The following NUAK2 variants were observed in gnomAD, a reference collection of about 807,000 sequenced individuals.
The protein encoded by NUAK2 is NUAK family kinase 2.
In NUAK2, 20 loss-of-function variants were observed where a neutral mutation model predicts 29.8. The observed-to-expected ratio is 0.67, with a 90% CI of 0.47 to 0.98. NUAK2 has a LOEUF of 0.98. Ranked by LOEUF, NUAK2 falls within the 50% of genes least tolerant of loss-of-function variation. The pLI is 0.00. For missense variants in NUAK2, 719 were observed against 834.5 expected, an observed-to-expected ratio of 0.86 and a Z score of 1.71; for synonymous variants, 331 against 342.6, an observed-to-expected ratio of 0.97 and a Z score of 0.37.
In NUAK2 at chr1:205,304,849, C is replaced by G. The variant is rs1267437871; in HGVS notation, c.824-336G>C. Among the ~76,000 whole-genome samples, 1 of 152,216 alleles carries G rather than the reference C, an allele frequency of 6.6e-6. No individual in the cohort carries two copies. The highest frequency in any genetic ancestry group is 1.5e-5 in the Non-Finnish European group (1 of 68,038). ...AGACTGTGTTCAGGGTAAACTGGGTCTCTCACACCCTTCTTCCTGCCTTCT... is the reference window on the plus strand; with the variant it reads ...AGACTGTGTTCAGGGTAAACTGGGTGTCTCACACCCTTCTTCCTGCCTTCT... On this transcript the variant is annotated intron_variant, in intron 6 of 6. Transcript: ENST00000367157. This position sits in a 1 kb window ranked among gnomAD's most constrained non-coding sequence, Gnocchi z 6.5.
chr1:205,304,616 C>T lies in NUAK2; in HGVS notation c.824-103G>A, dbSNP rs1186755335. The T allele has an allele frequency of 1.5e-5, 16 of 1,042,744 alleles. No individual in the cohort carries two copies. Among genetic ancestry groups the T allele is most frequent in the Admixed American group, 3.1e-5 (1 of 32,526 alleles). 64.6% of individuals were successfully genotyped at this position (1,042,744 alleles called of 1,614,324 possible). A position where few individuals can be genotyped will look rare whatever the true frequency, so the allele number is the denominator to read the frequency against. On this transcript the variant is annotated intron_variant, in intron 6 of 6. Coordinates refer to ENST00000367157, the MANE Select transcript of NUAK2 (RefSeq NM_030952.3). The surrounding 1 kb of genome is among the most constrained non-coding windows in gnomAD (Gnocchi z 6.5). ...CCCTTTTGAGCTATGACACTGCATACTCCTGGGTCGGATGCGTCCCTTCCA... is the reference window on the plus strand; with the variant it reads ...CCCTTTTGAGCTATGACACTGCATATTCCTGGGTCGGATGCGTCCCTTCCA...
At chr1:205,317,760 G>GAAGC (rs1213957474) in intron 1 of NUAK2, among the ~76,000 whole-genome samples, 1 of 152,234 alleles carries the variant, frequency 6.6e-6, no homozygotes, top group African/African-American at 2.4e-5. Context: ...CAAGCCCTTG[G>GAAGC]CAGCCAGCCA....
intron 2 of NUAK2, among the ~76,000 whole-genome samples, chr1:205,310,360 G>A (rs1362858703): frequency 6.6e-6 from 1 of 152,204 alleles, no homozygotes; most frequent in East Asian, 1.9e-4. Context: ...GAACAGCTAG[G>A]TTAGATGTCA....
At position 205,304,182 on chromosome 1, in the gene NUAK2, C is replaced by T. The variant is rs1558671310; in HGVS notation, c.1155G>A (p.Gln385=). 1 of 1,614,216 alleles carries T rather than the reference C, an allele frequency of 6.2e-7. No individual in the cohort carries two copies. The highest frequency in any genetic ancestry group is 8.5e-7 in the Non-Finnish European group (1 of 1,180,036). Residue 385 remains glutamine (Q), a synonymous_variant, in exon 7 of 7, where the codon CAG becomes CAA. Transcript: ENST00000367157. The surrounding 1 kb of genome is among the most constrained non-coding windows in gnomAD (Gnocchi z 6.5). ...CATCAGCCGTGTCACTGTGGAGAGA[C>T]TGGGCCATGTCATTCTCCTTGCGGG... is the stretch of plus-strand genomic sequence containing the variant. The part of the protein sequence containing the change: ...KKSRKENDMA[Q]SLHSDTADDT...
chr1:205,312,849 G>A (rs562085273), intron 1 of NUAK2, among the ~76,000 whole-genome samples: 6 of 152,250 alleles, frequency 3.9e-5, no homozygotes, highest in East Asian at 1.9e-4. Context: ...CATGTGGTAC[G>A]TCCATAGGAT....
intron 1 of NUAK2, among the ~76,000 whole-genome samples, chr1:205,317,290 C>A (rs1662341994): frequency 6.6e-6 from 1 of 152,194 alleles, no homozygotes; most frequent in Non-Finnish European, 1.5e-5. Flanking sequence ...AGAGAAGGTG[C>A]AAGCTGGGCA....
In NUAK2 at chr1:205,304,310, G is replaced by A; in HGVS notation, c.1027C>T (p.Leu343Phe). 2 of 1,610,790 alleles carry A rather than the reference G, an allele frequency of 1.2e-6. No individual in the cohort carries two copies. The highest frequency in any genetic ancestry group is 1.7e-6 in the Non-Finnish European group (2 of 1,177,804). ...CACACCTTGGCCCCATTCTCCAGGA[G>A]GGGGCGGGAGGAACGCCGGAGCCAG... is the stretch of plus-strand genomic sequence containing the variant. ...ADWLRRSSRP[L>F]LENGAKVCSF... The change falls in exon 7 of 7, where the codon CTC (leucine) becomes TTC (phenylalanine). Residue 343 changes from leucine (L) to phenylalanine (F), a missense_variant. Coordinates refer to ENST00000367157, the MANE Select transcript of NUAK2 (RefSeq NM_030952.3). The surrounding 1 kb of genome is among the most constrained non-coding windows in gnomAD (Gnocchi z 6.5).
At chr1:205,306,164 T>C in intron 5 of NUAK2, 24 bp downstream of exon 5, 1 of 1,581,790 alleles carries the variant, frequency 6.3e-7, no homozygotes, top group South Asian at 1.2e-5. Flanking sequence ...TGAGGCAGGC[T>C]GGCAGGGGAG....
chr1:205,319,612 C>T (rs1384524935), intron 1 of NUAK2, among the ~76,000 whole-genome samples: 1 of 152,198 alleles, frequency 6.6e-6, no homozygotes, highest in Non-Finnish European at 1.5e-5. Context: ...CTGACAAAGC[C>T]TGGGTCCAAC....
At chr1:205,316,659 C>G (rs377510645) in intron 1 of NUAK2, among the ~76,000 whole-genome samples, 1 of 152,190 alleles carries the variant, frequency 6.6e-6, no homozygotes. Context: ...TCTCTACGCA[C>G]CCTTCCAAAC....
At chr1:205,309,248 C>G (rs1361775236) in intron 2 of NUAK2, among the ~76,000 whole-genome samples, 1 of 152,092 alleles carries the variant, frequency 6.6e-6, no homozygotes, top group Non-Finnish European at 1.5e-5. Flanking sequence ...TATAAAAAGT[C>G]AACAGCAGTT....
intron 1 of NUAK2, among the ~76,000 whole-genome samples, chr1:205,321,055 CTT>C (rs1662408198): frequency 6.6e-6 from 1 of 152,310 alleles, no homozygotes; most frequent in Admixed American, 6.5e-5. Context: ...ATTGAACAGT[CTT>C]TTCCCAGCAA....
At chr1:205,318,254 T>G (rs1450712780) in intron 1 of NUAK2, among the ~76,000 whole-genome samples, 1 of 151,980 alleles carries the variant, frequency 6.6e-6, no homozygotes, top group African/African-American at 2.4e-5. Context: ...AGGGTGGGGG[T>G]TGGTTCCCAG....
intron 1 of NUAK2, among the ~76,000 whole-genome samples, chr1:205,317,108 A>G (rs368344528): frequency 2.0e-5 from 3 of 152,264 alleles, no homozygotes; most frequent in South Asian, 4.1e-4. Context: ...TTACAGATAT[A>G]CAAATATGCC....
chr1:205,308,478 C>T lies in NUAK2; in HGVS notation c.504+103G>A. On this transcript the variant is annotated intron_variant, in intron 3 of 6. Transcript: ENST00000367157. The surrounding 1 kb of genome is among the most constrained non-coding windows in gnomAD (Gnocchi z 4.1). The stretch of plus-strand genomic sequence containing the variant: ...CCAGAATCTAGTTTTGCCTCTGTTT[C>T]TGTGTGATCCTGGACAAGTCATGGA... 1 of 1,301,042 alleles carries T rather than the reference C, an allele frequency of 7.7e-7. No homozygotes were observed. The highest frequency in any genetic ancestry group is 1.1e-6 in the Non-Finnish European group (1 of 923,010). 80.6% of individuals were successfully genotyped at this position (1,301,042 alleles called of 1,614,324 possible).
intron 4 of NUAK2, 111 bp from the exon 5 acceptor site, chr1:205,306,418 G>A (rs774958749): frequency 2.5e-5 from 35 of 1,409,126 alleles, no homozygotes; most frequent in African/African-American, 5.8e-5. Flanking sequence ...CCAATAGAAG[G>A]AAAGGGTCCC....
In NUAK2 at chr1:205,304,528, G is replaced by C; in HGVS notation, c.824-15C>G. 2 of 1,497,744 alleles carry C rather than the reference G, an allele frequency of 1.3e-6. No homozygotes were observed. Among genetic ancestry groups the C allele is most frequent in the Non-Finnish European group, 1.8e-6 (2 of 1,124,210 alleles). The allele number at this position is 1,497,744 out of a possible 1,614,324, so 92.8% of individuals were successfully genotyped here. On this transcript the variant is annotated splice_polypyrimidine_tract_variant and intron_variant, in intron 6 of 6. Coordinates refer to ENST00000367157, the MANE Select transcript of NUAK2 (RefSeq NM_030952.3). This position sits in a 1 kb window ranked among gnomAD's most constrained non-coding sequence, Gnocchi z 6.5. ...GCCACAGGCATCTGGAAGACAAAAG[G>C]CAGGTGCTTCAGTTTGGCAGCTCCC...
chr1:205,308,619 A>G lies in NUAK2; in HGVS notation c.466T>C (p.Phe156Leu). The part of the protein sequence containing the change: ...QLSEREARHF[F>L]RQIVSAVHYC... ...TGCACGGCAGAGACGATCTGCCGGA[A>G]GAAATGCCTAGCTTCGCGCTCACTG... is the stretch of plus-strand genomic sequence containing the variant. Residue 156 changes from phenylalanine (F) to leucine (L), a missense_variant, in exon 3 of 7, where the codon TTC becomes CTC. Physicochemically the swap from Phe to Leu is conservative, Grantham distance 22. This residue lies in a region of NUAK2 where 283 missense variants were observed against 345.6 expected (regional missense o/e 0.82). Transcript: ENST00000367157. This position sits in a 1 kb window ranked among gnomAD's most constrained non-coding sequence, Gnocchi z 4.1. The G allele has an allele frequency of 6.2e-7, 1 of 1,614,164 alleles. No individual in the cohort carries two copies. Among genetic ancestry groups the G allele is most frequent in the Non-Finnish European group, 8.5e-7 (1 of 1,180,026 alleles).
Position 205,304,551 on chromosome 1 carries a change from C to T in NUAK2, c.824-38G>A, listed in dbSNP as rs1394935508. The T allele has an allele frequency of 1.4e-6, 2 of 1,449,260 alleles. No individual in the cohort carries two copies. The highest frequency in any genetic ancestry group is 2.8e-5 in the African/African-American group (2 of 70,200). 89.8% of individuals were successfully genotyped at this position (1,449,260 alleles called of 1,614,324 possible). On this transcript the variant is annotated intron_variant, in intron 6 of 6. Transcript: ENST00000367157. The surrounding 1 kb of genome is among the most constrained non-coding windows in gnomAD (Gnocchi z 6.5). ...AGGCAGGTGCTTCAGTTTGGCAGCT[C>T]CCAGAATAGGCACTCCCTGTCCCCT...
Sources: allele counts gnomAD v4.1 joint callset (sites outside exome capture counted in the v4.1 genomes callset), GRCh38; gene constraint gnomAD v4.1.1; regional missense constraint gnomAD v4.1.1; non-coding constraint Gnocchi (gnomAD v3.1); transcripts MANE v1.5; gene names NCBI Gene and HGNC (gene_info 2026-07-23, HGNC 2026-07-21).